Variants in ARNT2 observed in about 807,000 individuals in gnomAD.
ARNT2 encodes the protein aryl hydrocarbon receptor nuclear translocator 2.
In ARNT2, 36 loss-of-function variants were observed where a neutral mutation model predicts 91.7. That is an observed-to-expected ratio of 0.39 (90% confidence interval 0.30 to 0.52). The LOEUF is 0.52. ARNT2 is among the 20% of genes least tolerant of loss of function. The pLI is 0.72. For synonymous variants in ARNT2, 365 were observed against 347.1 expected (o/e 1.05, Z -0.57); for missense variants, 775 against 939.3 (o/e 0.83, Z 2.29).
intron 1 of ARNT2, among the ~76,000 whole-genome samples, chr15:80,443,807 C>T (rs1317632526): frequency 6.6e-6 from 1 of 152,148 alleles, no homozygotes; most frequent in Admixed American, 6.5e-5. Flanking sequence ...ACAAGAGTGG[C>T]CTTGTGACGA....
At chr15:80,458,720 C>T (rs1896513564) in intron 3 of ARNT2, among the ~76,000 whole-genome samples, 1 of 151,606 alleles carries the variant, frequency 6.6e-6, no homozygotes, top group Admixed American at 6.6e-5. Context: ...GCAGTGTTGA[C>T]AGGAAGGCAC....
At chr15:80,406,073 T>TG (rs976030299) in intron 1 of ARNT2, among the ~76,000 whole-genome samples, 7 of 152,090 alleles carry the variant, frequency 4.6e-5, no homozygotes, top group African/African-American at 1.7e-4. Context: ...AGGCCAGAAT[T>TG]GGTGGCCATG....
chr15:80,508,385 C>A lies in ARNT2; in HGVS notation c.725+127C>A, dbSNP rs1897301983. ...CGTGGGTTCACTCCAGGGACTTCGT[C>A]TTCTTGACCTCAGCATGCAGATATA... On this transcript the variant is annotated intron_variant, in intron 6 of 18. Transcript: ENST00000303329. 9.1e-6 allele frequency: 7 copies of A among 772,398 alleles called. No homozygotes were observed. In the South Asian group the frequency reaches 9.8e-5, roughly 11 times the overall value. The allele number at this position is 772,398 out of a possible 1,614,324, so 47.8% of individuals were successfully genotyped here. A position where few individuals can be genotyped will look rare whatever the true frequency, so the allele number is the denominator to read the frequency against.
intron 8 of ARNT2, among the ~76,000 whole-genome samples, chr15:80,534,399 G>A (rs1177285086): frequency 2.6e-5 from 4 of 151,928 alleles, no homozygotes; most frequent in Non-Finnish European, 5.9e-5. Context: ...AGAAAACTTT[G>A]CGAAATAAAG....
rs1450329153 is a variant in ARNT2, at chr15:80,575,083, G to C, written c.1486G>C (p.Ala496Pro). The C allele has an allele frequency of 6.2e-7, 1 of 1,614,174 alleles. No individual in the cohort carries two copies. Among genetic ancestry groups the C allele is most frequent in the Admixed American group, 1.7e-5 (1 of 60,014 alleles). ...CTCCCAGGAAAGAGATCCTCGGTTTGCTGAAATGTTTGCAGGAATTAGTGC... is the reference window on the plus strand; with the variant it reads ...CTCCCAGGAAAGAGATCCTCGGTTTCCTGAAATGTTTGCAGGAATTAGTGC... Reference protein sequence around the residue: ...IFSQERDPRFAEMFAGISASE... With the variant: ...IFSQERDPRFPEMFAGISASE... Residue 496 changes from alanine (A) to proline (P), a missense_variant, in exon 14 of 19, where the codon GCT becomes CCT. Ala to Pro is a conservative substitution (Grantham distance 27). Coordinates refer to ENST00000303329, the MANE Select transcript of ARNT2 (RefSeq NM_014862.4).
intron 5 of ARNT2, among the ~76,000 whole-genome samples, chr15:80,507,512 G>A (rs191371204): frequency 3.9e-5 from 6 of 152,290 alleles, no homozygotes; most frequent in African/African-American, 9.6e-5. Flanking sequence ...GCTGCTGATG[G>A]TGTGGCCCTG....
At chr15:80,435,891 G>GA (rs1374647292) in intron 1 of ARNT2, among the ~76,000 whole-genome samples, 3 of 151,628 alleles carry the variant, frequency 2.0e-5, no homozygotes, top group Admixed American at 2.0e-4. Flanking sequence ...CAAAAAAAAG[G>GA]AAAAAAATGT....
intron 8 of ARNT2, among the ~76,000 whole-genome samples, chr15:80,529,510 CTT>C (rs374709156): frequency 2.1e-5 from 3 of 142,040 alleles, no homozygotes. Context: ...TTTTTCTTTT[CTT>C]TTTTTTTTTT....
intron 11 of ARNT2, 110 bp downstream of exon 11, chr15:80,555,249 C>T (rs1285783489): frequency 8.7e-6 from 10 of 1,154,714 alleles, no homozygotes; most frequent in Non-Finnish European, 1.3e-5. Flanking sequence ...AAGGTCCTAC[C>T]TATGGCCTCA....
chr15:80,415,880 T>TA (rs1369979909), intron 1 of ARNT2, among the ~76,000 whole-genome samples: 1 of 151,966 alleles, frequency 6.6e-6, no homozygotes, highest in African/African-American at 2.4e-5. Flanking sequence ...GATCAGGCGT[T>TA]TGGTTGAGTT....
rs142614896 is a variant in ARNT2, at chr15:80,429,411, C to T, written c.32-21469C>T. ...AAATGTTGGGATTTAGGGAACCTCC[C>T]GGTTGGTGAACACATGGAGGCGCTC... On this transcript the variant is annotated intron_variant, in intron 1 of 18. Transcript: ENST00000303329. 8.5e-3 allele frequency among the ~76,000 whole-genome samples: 1,298 copies of T among 152,322 alleles called. 18 individuals are homozygous for T. Among genetic ancestry groups the T allele is most frequent in the African/African-American group, 0.03 (1,236 of 41,558 alleles).
chr15:80,405,675 G>C (rs990268941), intron 1 of ARNT2, among the ~76,000 whole-genome samples: 9 of 152,144 alleles, frequency 5.9e-5, no homozygotes, highest in African/African-American at 1.9e-4. Context: ...CATTGCAGGC[G>C]TAAGTAACAG....
rs141530902 is a variant in ARNT2, at chr15:80,447,141, A to AACACAC, written c.32-3722_32-3717dup. On this transcript the variant is annotated intron_variant, in intron 1 of 18. Coordinates refer to ENST00000303329, the MANE Select transcript of ARNT2 (RefSeq NM_014862.4). The stretch of plus-strand genomic sequence containing the variant: ...CTTCTAGTCTTTTTTCTGTGCATAT[A>AACACAC]ACACACACACACACACACACACCCT... Among the ~76,000 whole-genome samples the AACACAC allele has an allele frequency of 6.0e-5, 9 of 150,078 alleles. No individual in the cohort carries two copies. The East Asian group carries it at 7.8e-4, about 13-fold the overall frequency.
intron 5 of ARNT2, among the ~76,000 whole-genome samples, chr15:80,505,575 C>T (rs991162000): frequency 6.6e-6 from 1 of 152,160 alleles, no homozygotes; most frequent in African/African-American, 2.4e-5. Flanking sequence ...AAAGGAAGTA[C>T]TATTATTATC....
chr15:80,453,596 T>TAG (rs1361979514), intron 2 of ARNT2, among the ~76,000 whole-genome samples: 1 of 152,190 alleles, frequency 6.6e-6, no homozygotes, highest in Non-Finnish European at 1.5e-5. Flanking sequence ...CCTAAACACT[T>TAG]AACTAAGTAC....
intron 3 of ARNT2, among the ~76,000 whole-genome samples, chr15:80,469,789 A>AT (rs1437963222): frequency 1.3e-5 from 2 of 152,032 alleles, no homozygotes; most frequent in Admixed American, 6.6e-5. Flanking sequence ...TAATTTTTGT[A>AT]TTTTTAGTAG....
chr15:80,482,815 A>C (rs1324884079), intron 5 of ARNT2, among the ~76,000 whole-genome samples: 3 of 152,180 alleles, frequency 2.0e-5, no homozygotes, highest in Non-Finnish European at 4.4e-5. Flanking sequence ...TTCCCCACTG[A>C]ATCAGAAGCT....
intron 8 of ARNT2, among the ~76,000 whole-genome samples, chr15:80,522,875 C>T (rs866745815): frequency 6.6e-6 from 1 of 150,634 alleles, no homozygotes; most frequent in Non-Finnish European, 1.5e-5. Flanking sequence ...GACCATAATG[C>T]ACAGAAATGT....
intron 3 of ARNT2, among the ~76,000 whole-genome samples, chr15:80,468,316 G>A (rs114457238): frequency 3.6e-3 from 547 of 151,732 alleles, no homozygotes; most frequent in African/African-American, 0.013. Flanking sequence ...CACCTCCCCC[G>A]AGAAGCCAGC....
Sources: gnomAD v4.1 joint callset for allele counts (sites outside exome capture counted in the v4.1 genomes callset) on GRCh38, gnomAD v4.1.1 for gene constraint, MANE v1.5 for transcripts, NCBI Gene and HGNC (gene_info 2026-07-23, HGNC 2026-07-21) for gene names.